ACOXL: variants seen among roughly 807,000 people sequenced by gnomAD.
The protein encoded by ACOXL is acyl-coenzyme A oxidase-like protein.
Under a neutral mutation model 71.9 loss-of-function variants are expected in ACOXL, and 70 were observed. The ratio of observed to expected loss-of-function variants is 0.97; its 90% confidence interval spans 0.80 to 1.19. The LOEUF is 1.19. Ranked by LOEUF, ACOXL falls within the 50% of genes most tolerant of loss-of-function variation. ACOXL has a pLI of 0.00. For missense variants in ACOXL, 703 were observed against 736.3 expected (o/e 0.95, Z 0.52); for synonymous variants, 253 against 281.6 (o/e 0.90, Z 1.02).
chr2:110,890,420 A>G (rs532133456), intron 10 of ACOXL, among the ~76,000 whole-genome samples: 8 of 152,266 alleles, frequency 5.3e-5, no homozygotes, highest in East Asian at 1.9e-4. Context: ...CTGCTATGCT[A>G]TCTTCTAAGA....
chr2:111,110,003 T>A (rs2069834614), intron 17 of ACOXL, among the ~76,000 whole-genome samples: 1 of 152,094 alleles, frequency 6.6e-6, no homozygotes, highest in South Asian at 2.1e-4. Flanking sequence ...CTTGAACACA[T>A]TTATAATAGT....
chr2:110,757,467 A>T (rs187065185), intron 1 of ACOXL, among the ~76,000 whole-genome samples: 1 of 152,252 alleles, frequency 6.6e-6, no homozygotes, highest in Non-Finnish European at 1.5e-5. Context: ...GTCTTTGAGG[A>T]ATCACCACAC....
At chr2:110,804,650 A>G (rs1248397640) in intron 8 of ACOXL, among the ~76,000 whole-genome samples, 4 of 151,892 alleles carry the variant, frequency 2.6e-5, no homozygotes, top group Non-Finnish European at 4.4e-5. Flanking sequence ...CTATTCAACC[A>G]TGAAAAGAAA....
chr2:110,968,549 T>C, intron 12 of ACOXL: 4 of 1,087,918 alleles, frequency 3.7e-6, no homozygotes, highest in Non-Finnish European at 5.5e-6. Context: ...ACGGAGGAGA[T>C]GTATAAGAAA....
At chr2:111,093,553 A>T (rs1239400401) in intron 17 of ACOXL, 2 of 1,612,904 alleles carry the variant, frequency 1.2e-6, no homozygotes, top group Non-Finnish European at 1.7e-6. Context: ...ATATCCAAGG[A>T]CACAAAACCA....
chr2:110,917,223 T>C (rs1055406907), intron 11 of ACOXL, among the ~76,000 whole-genome samples: 7 of 152,188 alleles, frequency 4.6e-5, no homozygotes, highest in Non-Finnish European at 8.8e-5. Flanking sequence ...TCAATTTGGC[T>C]TCATCCCTGG....
At chr2:110,938,456 G>T (rs1307223141) in intron 12 of ACOXL, among the ~76,000 whole-genome samples, 1 of 152,224 alleles carries the variant, frequency 6.6e-6, no homozygotes, top group Non-Finnish European at 1.5e-5. Context: ...GCAGCATGGT[G>T]CTTGGCACAT....
At chr2:110,861,905 C>T (rs928732067) in intron 10 of ACOXL, among the ~76,000 whole-genome samples, 5 of 152,162 alleles carry the variant, frequency 3.3e-5, no homozygotes, top group African/African-American at 1.2e-4. Flanking sequence ...GCAGAATTGT[C>T]CATGTAGTGT....
chr2:110,880,153 C>CAAAAAAAAAAAAAAAA (rs56852121), intron 10 of ACOXL, among the ~76,000 whole-genome samples: 2 of 84,734 alleles, frequency 2.4e-5, no homozygotes, highest in Non-Finnish European at 4.6e-5. Flanking sequence ...CTGTCACAAA[C>CAAAAAAAAAAAAAAAA]AAAAAAAAAA....
chr2:110,841,692 A>C (rs1559331878), intron 10 of ACOXL, among the ~76,000 whole-genome samples: 1 of 152,104 alleles, frequency 6.6e-6, no homozygotes, highest in Non-Finnish European at 1.5e-5. Flanking sequence ...TAATGTTCTC[A>C]CTCTTAAAGA....
At chr2:110,787,840 CT>C (rs1454194664) in intron 3 of ACOXL, among the ~76,000 whole-genome samples, 1 of 152,162 alleles carries the variant, frequency 6.6e-6, no homozygotes, top group Admixed American at 6.5e-5. Flanking sequence ...AGGGATGCCC[CT>C]CTCAAGCCTT....
chr2:110,874,338 C>T (rs571136926), intron 10 of ACOXL, among the ~76,000 whole-genome samples: 50 of 152,264 alleles, frequency 3.3e-4, no homozygotes, highest in African/African-American at 1.1e-3. Flanking sequence ...CTGCAAAATA[C>T]GTCTCTCCCA....
At chr2:110,811,946 C>G (rs1687386829) in intron 9 of ACOXL, among the ~76,000 whole-genome samples, 1 of 152,076 alleles carries the variant, frequency 6.6e-6, no homozygotes, top group Non-Finnish European at 1.5e-5. Context: ...CAGAAAATAC[C>G]AATAATGACT....
At chr2:110,966,891 G>A (rs536620151) in intron 12 of ACOXL, among the ~76,000 whole-genome samples, 62 of 152,316 alleles carry the variant, frequency 4.1e-4, no homozygotes, top group Non-Finnish European at 7.1e-4. Flanking sequence ...GCATGGTGTC[G>A]ATGGGACCTA....
intron 10 of ACOXL, among the ~76,000 whole-genome samples, chr2:110,844,918 A>G (rs1691618096): frequency 6.6e-6 from 1 of 152,078 alleles, no homozygotes; most frequent in South Asian, 2.1e-4. Context: ...CAGGAGGAAG[A>G]TGAGGGATGT....
chr2:111,049,149 C>A, intron 15 of ACOXL, 69 bp from the exon 16 acceptor site: 1 of 1,210,578 alleles, frequency 8.3e-7, no homozygotes, highest in Non-Finnish European at 1.2e-6. Flanking sequence ...CCACAGTGTC[C>A]TCCTTCACAT....
intron 15 of ACOXL, 133 bp downstream of exon 15, chr2:111,031,847 C>T (rs2065286873): frequency 1.2e-6 from 1 of 852,150 alleles, no homozygotes. Context: ...AATTTAGGGC[C>T]CCAAGTGACT....
chr2:110,956,936 G>A (rs2061523125), intron 12 of ACOXL, among the ~76,000 whole-genome samples: 1 of 152,158 alleles, frequency 6.6e-6, no homozygotes, highest in Admixed American at 6.5e-5. Flanking sequence ...ATGTAACCCA[G>A]AAGGCAGAGA....
chr2:110,838,619 T>C (rs534610032), intron 9 of ACOXL, among the ~76,000 whole-genome samples: 1 of 152,320 alleles, frequency 6.6e-6, no homozygotes, highest in South Asian at 2.1e-4. Context: ...GGCATACATA[T>C]GGAAGCTTCT....
Sources: gnomAD v4.1 joint callset for allele counts (sites outside exome capture counted in the v4.1 genomes callset) on GRCh38, gnomAD v4.1.1 for gene constraint, MANE v1.5 for transcripts, NCBI Gene and HGNC (gene_info 2026-07-23, HGNC 2026-07-21) for gene names.